Variants in DHX35 observed in about 807,000 individuals in gnomAD.
The protein encoded by DHX35 is DEAH-box helicase 35, also known as probable ATP-dependent RNA helicase DHX35.
DHX35 carries 84 observed loss-of-function variants against 99.6 expected under a neutral mutation model. The ratio of observed to expected loss-of-function variants is 0.84; its 90% CI spans 0.71 to 1.01. DHX35 has a LOEUF of 1.01. Ranked by LOEUF, DHX35 falls within the 50% of genes least tolerant of loss-of-function variation. The pLI is 0.00. For missense variants in DHX35, 852 were observed against 888.5 expected, an observed-to-expected ratio of 0.96 and a Z score of 0.52; for synonymous variants, 331 against 316.2, an observed-to-expected ratio of 1.05 and a Z score of -0.50.
chr20:39,016,763 A>G (rs1158920796), intron 14 of DHX35, among the ~76,000 whole-genome samples: 3 of 151,780 alleles, frequency 2.0e-5, no homozygotes, highest in South Asian at 4.2e-4. Context: ...TTCCCTGATG[A>G]GTCATGATGT....
chr20:39,025,106 C>T (rs531636714), intron 17 of DHX35, 124 bp from the exon 18 acceptor site: 2 of 1,186,418 alleles, frequency 1.7e-6, no homozygotes, highest in African/African-American at 1.5e-5. Flanking sequence ...AGGGCCAGTT[C>T]CCATCTTTAG....
In DHX35 at chr20:39,003,830, G is replaced by A. The variant is rs2086565958; in HGVS notation, c.934G>A (p.Val312Ile). The A allele has an allele frequency of 6.2e-7, 1 of 1,614,196 alleles. No individual in the cohort carries two copies. Among genetic ancestry groups the A allele is most frequent in the African/African-American group, 1.3e-5 (1 of 75,050 alleles). ...CACTGGGATGAAGAGACACCTCCGA[G>A]TTCTCCCCATGTATGCAGGACTGCC... ...ARTGMKRHLR[V>I]LPMYAGLPSF... The change falls in exon 11 of 22, where the codon GTT becomes ATT. Residue 312 changes from valine (V) to isoleucine (I), a missense_variant. Physicochemically the swap from Val to Ile is conservative, Grantham distance 29. Coordinates refer to ENST00000252011, the MANE Select transcript of DHX35 (RefSeq NM_021931.4).
chr20:38,969,238 C>G, intron 2 of DHX35, 24 bp downstream of exon 2: 2 of 1,595,834 alleles, frequency 1.3e-6, no homozygotes, highest in South Asian at 2.2e-5. Flanking sequence ...TCATGTTCAA[C>G]CTGTGGGCTT....
chr20:38,994,741 G>T (rs2086399787), intron 7 of DHX35, 80 bp from the exon 8 acceptor site: 4 of 1,121,850 alleles, frequency 3.6e-6, no homozygotes, highest in South Asian at 1.5e-5. Context: ...CTGAATTTTT[G>T]AAATACATTT....
At chr20:39,024,200 T>A (rs1445342083) in intron 17 of DHX35, among the ~76,000 whole-genome samples, 6 of 152,248 alleles carry the variant, frequency 3.9e-5, no homozygotes, top group African/African-American at 1.2e-4. Context: ...TTAGTTGAGA[T>A]CTGTGCATAT....
chr20:39,018,632 T>C (rs1229806637), intron 14 of DHX35, among the ~76,000 whole-genome samples, 172 bp from the exon 15 acceptor site: 1 of 151,910 alleles, frequency 6.6e-6, no homozygotes, highest in Non-Finnish European at 1.5e-5. Flanking sequence ...GATCTTTTCT[T>C]CTTTTAAGGT....
At chr20:39,033,718 G>T (rs1003928169) in intron 20 of DHX35, among the ~76,000 whole-genome samples, 1 of 152,100 alleles carries the variant, frequency 6.6e-6, no homozygotes, top group African/African-American at 2.4e-5. Context: ...TTAAATAAAG[G>T]TATAATTTAT....
rs958502642 is a variant in DHX35, at chr20:38,985,700, A to G, written c.345+1924A>G. Among the ~76,000 whole-genome samples the G allele has an allele frequency of 8.5e-5, 13 of 152,266 alleles. No individual in the cohort carries two copies. The South Asian group carries it at 1.2e-3, about 15-fold the overall frequency. Reference sequence around the variant, plus strand: ...GACTCAGTTACCTAAAATTAGAACAATTTTTCCTGTTTGTGGTTTGGAATC... The same window carrying G: ...GACTCAGTTACCTAAAATTAGAACAGTTTTTCCTGTTTGTGGTTTGGAATC... On this transcript the variant is annotated intron_variant, in intron 4 of 21. Coordinates refer to ENST00000252011, the MANE Select transcript of DHX35 (RefSeq NM_021931.4).
At position 39,003,757 on chromosome 20, in the gene DHX35, A is replaced by G. The variant is rs201844345; in HGVS notation, c.861A>G (p.Val287=). 6.8e-6 allele frequency: 11 copies of G among 1,613,024 alleles called. No individual in the cohort carries two copies. In the South Asian group the frequency reaches 9.9e-5, roughly 14 times the overall value. The change falls in exon 11 of 22, where the codon GTA becomes GTG. Residue 287 remains valine (V), a synonymous_variant. Coordinates refer to ENST00000252011, the MANE Select transcript of DHX35 (RefSeq NM_021931.4). ...TGGTTCAACGTCTTTAGGAAGAGGT[A>G]GAAACTGTTGTGTCGATGCTCATCG... The part of the protein sequence containing the change: ...VLAFLTGQEE[V]ETVVSMLIEQ...
chr20:39,028,528 T>C, intron 19 of DHX35, 29 bp downstream of exon 19: 1 of 1,608,544 alleles, frequency 6.2e-7, no homozygotes, highest in South Asian at 1.1e-5. Flanking sequence ...AAGTCATTTG[T>C]TAAAGGAACA....
chr20:39,028,274 AG>A, intron 18 of DHX35, 143 bp from the exon 19 acceptor site: 1 of 754,910 alleles, frequency 1.3e-6, no homozygotes, highest in Non-Finnish European at 2.3e-6. Flanking sequence ...TGGGAAGGGT[AG>A]GGCTGGAGCC....
chr20:39,023,720 G>A lies in DHX35; in HGVS notation c.1624G>A (p.Glu542Lys). The change falls in exon 17 of 22, where the codon GAG (glutamate) becomes AAG (lysine). Residue 542 changes from glutamate to lysine, a missense_variant. Physicochemically the swap from Glu to Lys is moderately conservative, Grantham distance 56 (BLOSUM62 1). Coordinates refer to ENST00000252011, the MANE Select transcript of DHX35 (RefSeq NM_021931.4). ...IRVHRKFAVE[E>K]GDHLTMLNIY... ...AGTGCACCGTAAATTTGCTGTGGAGGAGGGCGACCACCTCACTATGCTCAA... is the reference window on the plus strand; with the variant it reads ...AGTGCACCGTAAATTTGCTGTGGAGAAGGGCGACCACCTCACTATGCTCAA... The A allele has an allele frequency of 1.2e-6, 2 of 1,614,080 alleles. No individual in the cohort carries two copies. Among genetic ancestry groups the A allele is most frequent in the Non-Finnish European group, 1.7e-6 (2 of 1,179,996 alleles).
At chr20:38,977,479 A>G (rs1451334377) in intron 3 of DHX35, among the ~76,000 whole-genome samples, 1 of 152,060 alleles carries the variant, frequency 6.6e-6, no homozygotes, top group Non-Finnish European at 1.5e-5. Flanking sequence ...CATTTATTTT[A>G]CATATTTTTG....
intron 3 of DHX35, among the ~76,000 whole-genome samples, chr20:38,981,663 C>T (rs1277492274): frequency 6.6e-6 from 1 of 152,060 alleles, no homozygotes; most frequent in Non-Finnish European, 1.5e-5. Flanking sequence ...TGATCTGGGG[C>T]CGGGCGTGGT....
rs1246323984 is a variant in DHX35, at chr20:39,006,313, T to C, written c.1179T>C (p.Arg393=). ...CATCAGCTAATCAGCGAGCAGGACG[T>C]GGTGGTCGTAGTCGCTCGGGAAAAT... ...SQASANQRAG[R]GGRSRSGKCY... is the part of the protein sequence containing the mutation. The change falls in exon 12 of 22, where the codon CGT becomes CGC. Residue 393 remains arginine, a synonymous_variant. Coordinates refer to ENST00000252011, the MANE Select transcript of DHX35 (RefSeq NM_021931.4). 4 of 1,613,936 alleles carry C rather than the reference T, an allele frequency of 2.5e-6. No homozygotes were observed. Among genetic ancestry groups the C allele is most frequent in the Non-Finnish European group, 2.5e-6 (3 of 1,180,012 alleles).
intron 8 of DHX35, among the ~76,000 whole-genome samples, chr20:39,001,387 C>T (rs189365701): frequency 2.6e-5 from 4 of 152,236 alleles, no homozygotes; most frequent in African/African-American, 9.6e-5. Context: ...CACCTTTGAC[C>T]TAATTTTTGC....
At chr20:39,000,094 C>T (rs540098160) in intron 8 of DHX35, among the ~76,000 whole-genome samples, 1 of 152,294 alleles carries the variant, frequency 6.6e-6, no homozygotes, top group East Asian at 1.9e-4. Flanking sequence ...GACCCCTTTA[C>T]ATTTTAGTCC....
intron 15 of DHX35, among the ~76,000 whole-genome samples, chr20:39,020,656 C>CTTTTTTT (rs57246257): frequency 0.032 from 3,361 of 105,030 alleles, 489 homozygotes; most frequent in African/African-American, 0.12. Flanking sequence ...AAACAGGATT[C>CTTTTTTT]TTTTTTTTTT....
Position 39,028,548 on chromosome 20 carries a change from A to G in DHX35, c.1883+49A>G, listed in dbSNP as rs752775530. 6 of 1,583,980 alleles carry G rather than the reference A, an allele frequency of 3.8e-6. No individual in the cohort carries two copies. The Admixed American group carries it at 8.3e-5, about 22-fold the overall frequency. On this transcript the variant is annotated intron_variant, in intron 19 of 21. Coordinates refer to ENST00000252011, the MANE Select transcript of DHX35 (RefSeq NM_021931.4). Reference sequence around the variant, plus strand: ...ATTTGTTAAAGGAACAATCTTACAAATGACCCAAACCCCACAGAAAGCTGT... The same window carrying G: ...ATTTGTTAAAGGAACAATCTTACAAGTGACCCAAACCCCACAGAAAGCTGT...
Sources: gnomAD v4.1 joint callset for allele counts (sites outside exome capture counted in the v4.1 genomes callset) on GRCh38, gnomAD v4.1.1 for gene constraint, MANE v1.5 for transcripts, NCBI Gene and HGNC (gene_info 2026-07-23, HGNC 2026-07-21) for gene names.